TRIP4: variants seen among roughly 807,000 people sequenced by gnomAD.
TRIP4 encodes the protein thyroid hormone receptor interactor 4.
Under a neutral mutation model 81.8 loss-of-function variants are expected in TRIP4, and 54 were observed. That is an observed-to-expected ratio of 0.66 (90% CI 0.53 to 0.83). The LOEUF (loss-of-function observed/expected upper bound fraction) is 0.83, where lower values mean the gene tolerates loss of function less well. TRIP4 is among the 40% of genes least tolerant of loss of function. TRIP4 has a pLI of 0.00. For synonymous variants in TRIP4, 270 were observed against 242.8 expected (o/e 1.11, Z -1.04); for missense variants, 662 against 683.6 (o/e 0.97, Z 0.35).
chr15:64,437,561 C>T (rs1354246020), intron 11 of TRIP4, among the ~76,000 whole-genome samples: 10 of 150,702 alleles, frequency 6.6e-5, no homozygotes, highest in South Asian at 6.3e-4. Flanking sequence ...GGTGCGATCT[C>T]GGCTCACTGC....
intron 5 of TRIP4, among the ~76,000 whole-genome samples, chr15:64,404,826 C>T (rs1049328315): frequency 6.6e-6 from 1 of 152,082 alleles, no homozygotes; most frequent in African/African-American, 2.4e-5. Context: ...GCTGGATCTA[C>T]AGGCTTGTAC....
At chr15:64,425,657 T>TA (rs767849194) in intron 11 of TRIP4, 26 bp downstream of exon 11, 2 of 1,552,152 alleles carry the variant, frequency 1.3e-6, no homozygotes, top group Non-Finnish European at 1.8e-6. Context: ...TTTTTTTTTT[T>TA]AGAGACAGGG....
intron 2 of TRIP4, among the ~76,000 whole-genome samples, chr15:64,394,380 C>A (rs971797131): frequency 6.6e-6 from 1 of 151,870 alleles, no homozygotes; most frequent in Non-Finnish European, 1.5e-5. Context: ...CTGAGGTGGG[C>A]GGATCACGTG....
intron 6 of TRIP4, among the ~76,000 whole-genome samples, chr15:64,407,511 A>C (rs1262790400): frequency 1.3e-5 from 2 of 151,908 alleles, no homozygotes; most frequent in Non-Finnish European, 2.9e-5. Flanking sequence ...CTAAAAATAC[A>C]AAAAAATTAG....
intron 11 of TRIP4, among the ~76,000 whole-genome samples, chr15:64,439,655 C>T (rs991202725): frequency 6.7e-5 from 10 of 150,040 alleles, no homozygotes; most frequent in African/African-American, 2.5e-4. Context: ...TCCCGAGTGG[C>T]TGGGATTACA....
intron 8 of TRIP4, 121 bp from the exon 9 acceptor site, chr15:64,418,420 A>C: frequency 8.6e-7 from 1 of 1,162,926 alleles, no homozygotes; most frequent in South Asian, 1.7e-5. Flanking sequence ...CCTGGGATAT[A>C]TTTTTCTAAG....
At chr15:64,418,503 C>T (rs745997494) in intron 8 of TRIP4, 38 bp from the exon 9 acceptor site, 3 of 1,539,338 alleles carry the variant, frequency 1.9e-6, no homozygotes, top group Admixed American at 4.1e-5. Context: ...AGATTCTTGC[C>T]TTATAAGATA....
intron 12 of TRIP4, chr15:64,450,772 T>C (rs989057442): frequency 2.9e-5 from 13 of 455,842 alleles, no homozygotes; most frequent in Middle Eastern, 3.2e-4. Flanking sequence ...GACATCATCA[T>C]TGAAGCCAGA....
intron 7 of TRIP4, among the ~76,000 whole-genome samples, chr15:64,413,321 C>T (rs1012200165): frequency 6.6e-6 from 1 of 152,016 alleles, no homozygotes; most frequent in African/African-American, 2.4e-5. Context: ...GCTAGAACTA[C>T]AGGTGTGAGC....
At chr15:64,451,583 C>G (rs1892759505) in intron 12 of TRIP4, among the ~76,000 whole-genome samples, 1 of 149,770 alleles carries the variant, frequency 6.7e-6, no homozygotes, top group Non-Finnish European at 1.5e-5. Context: ...GCAATTCTCC[C>G]ACCTCAGCCT....
At chr15:64,432,520 G>T (rs1429079789) in intron 11 of TRIP4, among the ~76,000 whole-genome samples, 2 of 152,034 alleles carry the variant, frequency 1.3e-5, no homozygotes, top group Non-Finnish European at 2.9e-5. Context: ...TGAGGCAGGA[G>T]AATCACTTGA....
At chr15:64,431,847 A>ATATATTTTTTTTTTTTTTTT in intron 11 of TRIP4, among the ~76,000 whole-genome samples, 10 of 119,554 alleles carry the variant, frequency 8.4e-5, no homozygotes, top group African/African-American at 2.9e-4. Flanking sequence ...ATATATATAT[A>ATATATTTTTTTTTTTTTTTT]TTTTTTTTAT....
At position 64,409,749 on chromosome 15, in the gene TRIP4, C is replaced by T; in HGVS notation, c.964C>T (p.Leu322Phe). 1.2e-6 allele frequency: 2 copies of T among 1,614,100 alleles called. No homozygotes were observed. Among genetic ancestry groups the T allele is most frequent in the Non-Finnish European group, 1.7e-6 (2 of 1,180,030 alleles). ...GAGAGAACTTCGACACGCCTCTCGACTTTCTAAGAAGGTCACCATTGACTT... is the reference window on the plus strand; with the variant it reads ...GAGAGAACTTCGACACGCCTCTCGATTTTCTAAGAAGGTCACCATTGACTT... ...ELRELRHASR[L>F]SKKVTIDFAG... The change falls in exon 7 of 13, where the codon CTT becomes TTT. Residue 322 changes from leucine to phenylalanine, a missense_variant. Physicochemically the swap from Leu to Phe is conservative, Grantham distance 22. Coordinates refer to ENST00000261884, the MANE Select transcript of TRIP4 (RefSeq NM_016213.5).
At position 64,397,612 on chromosome 15, in the gene TRIP4, G is replaced by A; in HGVS notation, c.412G>A (p.Glu138Lys). The change falls in exon 4 of 13, where the codon GAG becomes AAG. Residue 138 changes from glutamate (E) to lysine (K), a missense_variant. By Grantham distance (56) the Glu-to-Lys change is moderately conservative. Coordinates refer to ENST00000261884, the MANE Select transcript of TRIP4 (RefSeq NM_016213.5). Reference protein sequence around the residue: ...KTPFDLAKAQENSNSVKKKTK... With the variant: ...KTPFDLAKAQKNSNSVKKKTK... ...TGATGTCTTTGTACGATAGGCACAA[G>A]AGAACAGCAACTCCGTAAAGAAGAA... 1 of 1,611,792 alleles carries A rather than the reference G, an allele frequency of 6.2e-7. No homozygotes were observed. Among genetic ancestry groups the A allele is most frequent in the Non-Finnish European group, 8.5e-7 (1 of 1,177,948 alleles).
At chr15:64,393,281 C>T (rs891455656) in intron 1 of TRIP4, 3 of 150,734 alleles carry the variant, frequency 2.0e-5, no homozygotes, top group African/African-American at 7.3e-5. Context: ...TCCCGAGTAG[C>T]TGGGACTACA....
rs535234281 is a variant in TRIP4 at position 64,421,405 on chromosome 15, C to T, written c.1359-2626C>T. On this transcript the variant is annotated intron_variant, in intron 9 of 12. Transcript: ENST00000261884. ...AGGCTGGAGTGCAGTGGCATGATCT[C>T]GGCTTGCTGCAACCTCCACCTTCCA... Among the ~76,000 whole-genome samples, 47 of 150,810 alleles carry T rather than the reference C, an allele frequency of 3.1e-4. No homozygotes were observed. The South Asian group carries it at 9.3e-3, about 30-fold the overall frequency.
intron 11 of TRIP4, among the ~76,000 whole-genome samples, chr15:64,442,990 C>CAAAA (rs778464158): frequency 1.1e-5 from 1 of 90,148 alleles, no homozygotes; most frequent in Non-Finnish European, 2.3e-5. Flanking sequence ...GACTCCATCT[C>CAAAA]AAAAAAAAAA....
chr15:64,445,050 CT>C lies in TRIP4; in HGVS notation c.1621del (p.Cys541AlafsTer9). ...QESDSPFVFI[C>X]KNPQEMVVKF... ...AGTCTGATTCTCCATTTGTTTTCAT[CT>C]GCAAAAATCCTCAGGAAATGGTTGT... On this transcript the variant is annotated frameshift_variant, in exon 12 of 13. Coordinates refer to ENST00000261884, the MANE Select transcript of TRIP4 (RefSeq NM_016213.5). LOFTEE classifies it high-confidence loss of function. 1 of 1,604,672 alleles carries C rather than the reference CT, an allele frequency of 6.2e-7. No homozygotes were observed. The highest frequency in any genetic ancestry group is 1.1e-5 in the South Asian group (1 of 90,136).
intron 4 of TRIP4, among the ~76,000 whole-genome samples, chr15:64,399,048 C>T (rs1900381149): frequency 6.8e-6 from 1 of 146,608 alleles, no homozygotes; most frequent in South Asian, 2.3e-4. Context: ...CTCCTGGGTT[C>T]AAGCAATTCT....
Sources: allele counts gnomAD v4.1 joint callset (sites outside exome capture counted in the v4.1 genomes callset), GRCh38; gene constraint gnomAD v4.1.1; transcripts MANE v1.5; gene names NCBI Gene and HGNC (gene_info 2026-07-23, HGNC 2026-07-21).